AGBL1: variants seen among roughly 807,000 people sequenced by gnomAD.
AGBL1 encodes cytosolic carboxypeptidase 4.
A neutral mutation model predicts 118.9 loss-of-function variants in AGBL1; 130 were observed. The ratio of observed to expected loss-of-function variants is 1.09; its 90% confidence interval spans 0.95 to 1.26. AGBL1 has a LOEUF of 1.26. Ranked by LOEUF, AGBL1 falls within the 50% of genes most tolerant of loss-of-function variation. The probability of loss-of-function intolerance (pLI) is 0.00; values close to 1 mark genes in which losing one functional copy is unlikely to be tolerated. For synonymous variants in AGBL1, 555 were observed against 478.9 expected (o/e 1.16, Z -2.08); for missense variants, 1,584 against 1,298.1 (o/e 1.22, Z -3.38).
intron 22 of AGBL1, among the ~76,000 whole-genome samples, chr15:86,813,781 C>T (rs1296736223): frequency 2.0e-5 from 3 of 152,218 alleles, no homozygotes; most frequent in Non-Finnish European, 4.4e-5. Context: ...AACTACATAG[C>T]ATTCAAGAAT....
intron 22 of AGBL1, among the ~76,000 whole-genome samples, chr15:86,695,010 G>C (rs1465880872): frequency 1.3e-5 from 2 of 151,976 alleles, no homozygotes; most frequent in African/African-American, 4.8e-5. Context: ...ATTTTGTTAA[G>C]AATTTTTGCA....
At chr15:86,217,156 T>C (rs913678535) in intron 5 of AGBL1, among the ~76,000 whole-genome samples, 2 of 152,210 alleles carry the variant, frequency 1.3e-5, no homozygotes, top group Non-Finnish European at 2.9e-5. Context: ...ACTAATTTAG[T>C]GGGCTTTTCA....
At chr15:86,256,245 C>A (rs1188073135) in intron 7 of AGBL1, among the ~76,000 whole-genome samples, 2 of 152,208 alleles carry the variant, frequency 1.3e-5, no homozygotes, top group African/African-American at 4.8e-5. Flanking sequence ...GTTACATCTG[C>A]AAACCCAATT....
chr15:86,953,088 A>C (rs1014496121), intron 23 of AGBL1, among the ~76,000 whole-genome samples: 3 of 152,110 alleles, frequency 2.0e-5, no homozygotes, highest in African/African-American at 7.2e-5. Flanking sequence ...TATCGTTTGA[A>C]GTGGGGTAGT....
At chr15:86,215,569 A>G (rs2078174430) in intron 5 of AGBL1, among the ~76,000 whole-genome samples, 1 of 152,182 alleles carries the variant, frequency 6.6e-6, no homozygotes, top group Non-Finnish European at 1.5e-5. Context: ...GGTGTTAAGT[A>G]CCTGACATTG....
At chr15:86,374,914 T>G (rs1353875136) in intron 17 of AGBL1, among the ~76,000 whole-genome samples, 1 of 152,224 alleles carries the variant, frequency 6.6e-6, no homozygotes, top group Non-Finnish European at 1.5e-5. Context: ...CATCATGAGC[T>G]GTCTTGAGGA....
chr15:86,235,686 A>G (rs937449375), intron 6 of AGBL1, among the ~76,000 whole-genome samples: 3 of 148,372 alleles, frequency 2.0e-5, no homozygotes, highest in Non-Finnish European at 3.0e-5. Flanking sequence ...CATATATACA[A>G]TCTCATTTAA....
chr15:86,591,303 C>T (rs1170701099), intron 21 of AGBL1, among the ~76,000 whole-genome samples: 1 of 152,184 alleles, frequency 6.6e-6, no homozygotes, highest in African/African-American at 2.4e-5. Context: ...CACACACCAA[C>T]CACTGGACAC....
chr15:86,517,882 G>C (rs895909294), intron 18 of AGBL1, among the ~76,000 whole-genome samples: 2 of 152,092 alleles, frequency 1.3e-5, no homozygotes, highest in South Asian at 2.1e-4. Flanking sequence ...CATGCTCTTC[G>C]TCGTGTTCTT....
chr15:86,799,878 T>C (rs1223587462), intron 22 of AGBL1, among the ~76,000 whole-genome samples: 1 of 152,154 alleles, frequency 6.6e-6, no homozygotes, highest in Non-Finnish European at 1.5e-5. Flanking sequence ...AATTACCATG[T>C]AACTGGCAGT....
At chr15:86,802,551 T>G (rs1295332110) in intron 22 of AGBL1, among the ~76,000 whole-genome samples, 2 of 152,184 alleles carry the variant, frequency 1.3e-5, no homozygotes, top group Non-Finnish European at 2.9e-5. Context: ...GTCTAGCATA[T>G]ACTTAATATG....
intron 17 of AGBL1, among the ~76,000 whole-genome samples, chr15:86,351,342 T>G (rs79464824): frequency 0.042 from 6,431 of 152,224 alleles, 277 homozygotes; most frequent in East Asian, 0.21. Flanking sequence ...TATTACCTCT[T>G]GAATGTCCCC....
At chr15:86,815,471 A>C (rs1189141060) in intron 22 of AGBL1, among the ~76,000 whole-genome samples, 3 of 152,126 alleles carry the variant, frequency 2.0e-5, no homozygotes, top group Non-Finnish European at 4.4e-5. Flanking sequence ...AAAGAGACCA[A>C]TCATTTTTGG....
chr15:86,569,461 G>A (rs1002631451), intron 21 of AGBL1, among the ~76,000 whole-genome samples: 17 of 151,282 alleles, frequency 1.1e-4, no homozygotes, highest in Non-Finnish European at 1.8e-4. Context: ...CATTTTAGTA[G>A]AAATACTATT....
intron 21 of AGBL1, among the ~76,000 whole-genome samples, chr15:86,588,739 G>A (rs2084291232): frequency 6.6e-6 from 1 of 152,054 alleles, no homozygotes; most frequent in South Asian, 2.1e-4. Context: ...TCTCCCTCTT[G>A]GGGAAGAATT....
intron 22 of AGBL1, among the ~76,000 whole-genome samples, chr15:86,874,098 T>C (rs1017587400): frequency 6.6e-6 from 1 of 152,170 alleles, no homozygotes; most frequent in Non-Finnish European, 1.5e-5. Flanking sequence ...GATTCAGCTA[T>C]GGAAGTGCTT....
At chr15:86,565,590 G>C (rs914966796) in intron 21 of AGBL1, among the ~76,000 whole-genome samples, 14 of 152,256 alleles carry the variant, frequency 9.2e-5, no homozygotes, top group Non-Finnish European at 1.6e-4. Flanking sequence ...GGACCCACTT[G>C]AGGAGGAAGT....
intron 23 of AGBL1, among the ~76,000 whole-genome samples, chr15:86,955,123 A>G (rs1463375101): frequency 1.3e-5 from 2 of 152,116 alleles, no homozygotes; most frequent in Admixed American, 6.6e-5. Flanking sequence ...CTGCAATTTC[A>G]TTATCATTTT....
At chr15:86,961,487 C>G (rs1356703598) in intron 23 of AGBL1, among the ~76,000 whole-genome samples, 2 of 151,948 alleles carry the variant, frequency 1.3e-5, no homozygotes, top group African/African-American at 4.8e-5. Context: ...CCAGAGCCAG[C>G]AAACGAGACC....
Sources: allele counts gnomAD v4.1 joint callset (sites outside exome capture counted in the v4.1 genomes callset), GRCh38; gene constraint gnomAD v4.1.1; transcripts MANE v1.5; gene names NCBI Gene and HGNC (gene_info 2026-07-23, HGNC 2026-07-21).